Variants in CACNA2D2 observed in about 807,000 individuals in gnomAD.
CACNA2D2 encodes the protein voltage-dependent calcium channel subunit alpha-2/delta-2.
In CACNA2D2, 48 loss-of-function variants were observed where a neutral mutation model predicts 166.4. That is an observed-to-expected ratio of 0.29 (90% CI 0.23 to 0.37). The LOEUF (loss-of-function observed/expected upper bound fraction) is 0.37. CACNA2D2 is among the 10% of genes least tolerant of loss of function. CACNA2D2 has a pLI of 1.00. For missense variants in CACNA2D2, 1,122 were observed against 1,433.0 expected (o/e 0.78, Z 3.50); for synonymous variants, 561 against 573.7 (o/e 0.98, Z 0.32).
intron 2 of CACNA2D2, among the ~76,000 whole-genome samples, chr3:50,459,214 G>A (rs1400449044): frequency 6.6e-6 from 1 of 152,302 alleles, no homozygotes; most frequent in Middle Eastern, 3.4e-3. Context: ...GGGAACCCAG[G>A]TATACACATG....
At chr3:50,458,661 C>G (rs560093586) in intron 2 of CACNA2D2, among the ~76,000 whole-genome samples, 1 of 152,200 alleles carries the variant, frequency 6.6e-6, no homozygotes, top group Non-Finnish European at 1.5e-5. Flanking sequence ...CCTGGCACGA[C>G]AGTTAAGGAC....
chr3:50,479,617 G>A (rs1041578456), intron 1 of CACNA2D2, among the ~76,000 whole-genome samples: 23 of 152,314 alleles, frequency 1.5e-4, no homozygotes, highest in African/African-American at 4.6e-4. Context: ...CCTTGTGGAC[G>A]AGAAGCCACC....
chr3:50,383,146 G>GT lies in CACNA2D2; in HGVS notation c.652+1049dup, dbSNP rs1705418018. On this transcript the variant is annotated intron_variant, in intron 6 of 37. Coordinates refer to ENST00000424201, the MANE Select transcript of CACNA2D2 (RefSeq NM_006030.4). ...GACTGGAGAGGGCGGTGTGGCTCCT[G>GT]TTTTAATTAGTGTGCCTGCCTGTGA... is the stretch of plus-strand genomic sequence containing the variant. Among the ~76,000 whole-genome samples the GT allele has an allele frequency of 2.0e-5, 3 of 152,338 alleles. No individual in the cohort carries two copies. The South Asian group carries it at 6.2e-4, about 32-fold the overall frequency.
chr3:50,388,411 C>T (rs1705718612), intron 4 of CACNA2D2, among the ~76,000 whole-genome samples: 1 of 152,264 alleles, frequency 6.6e-6, no homozygotes, highest in South Asian at 2.1e-4. Flanking sequence ...AGGGCCACGA[C>T]TCAGGACAGA....
At chr3:50,425,402 C>T (rs1168894698) in intron 3 of CACNA2D2, among the ~76,000 whole-genome samples, 1 of 152,182 alleles carries the variant, frequency 6.6e-6, no homozygotes, top group Non-Finnish European at 1.5e-5. Flanking sequence ...CTACCTCCTC[C>T]AGGCTGTCTT....
chr3:50,484,472 T>C (rs1016687218), intron 1 of CACNA2D2, among the ~76,000 whole-genome samples: 20 of 152,232 alleles, frequency 1.3e-4, no homozygotes, highest in Non-Finnish European at 2.9e-4. Flanking sequence ...CCCAGTAGCT[T>C]CCCTGACCTC....
At chr3:50,413,703 C>T (rs966617964) in intron 3 of CACNA2D2, among the ~76,000 whole-genome samples, 2 of 152,018 alleles carry the variant, frequency 1.3e-5, no homozygotes, top group South Asian at 2.1e-4. Flanking sequence ...ATAAATTAGC[C>T]GGGTGTGGTG....
chr3:50,444,292 C>T (rs555745830), intron 2 of CACNA2D2, among the ~76,000 whole-genome samples: 3 of 152,290 alleles, frequency 2.0e-5, no homozygotes, highest in East Asian at 1.9e-4. Flanking sequence ...GATACTGAGG[C>T]GCCGGGAGGG....
chr3:50,498,808 C>G (rs922615663), intron 1 of CACNA2D2, among the ~76,000 whole-genome samples: 3 of 152,248 alleles, frequency 2.0e-5, no homozygotes, highest in South Asian at 2.1e-4. Context: ...TTCAAGCCCC[C>G]CTCCACTTCC....
rs117760698 is a variant in CACNA2D2 at position 50,378,856 on chromosome 3, C to T, written c.1339+59G>A. On this transcript the variant is annotated intron_variant, in intron 13 of 37. Coordinates refer to ENST00000424201, the MANE Select transcript of CACNA2D2 (RefSeq NM_006030.4). ...ACATATGGATGGCCAGTTGAACATA[C>T]GCAATCGACAAAAAGAAATGGCAGG... 1,808 of 1,596,114 alleles carry T rather than the reference C, an allele frequency of 1.1e-3. 21 individuals carry two copies. The East Asian group carries it at 0.017, about 15-fold the overall frequency.
chr3:50,434,570 C>G lies in CACNA2D2; in HGVS notation c.289-141G>C, dbSNP rs1035330944. 7.4e-6 allele frequency: 5 copies of G among 672,956 alleles called. No individual in the cohort carries two copies. In the African/African-American group the frequency reaches 9.0e-5, roughly 12 times the overall value. 41.7% of individuals were successfully genotyped at this position (672,956 alleles called of 1,614,324 possible). ...CCTGTCTTTGGCCTCTGAGAGAGGG[C>G]ATGGAAGGCCAGCGCCCCCACAGAC... is the stretch of plus-strand genomic sequence containing the variant. On this transcript the variant is annotated intron_variant, in intron 2 of 37. Coordinates refer to ENST00000424201, the MANE Select transcript of CACNA2D2 (RefSeq NM_006030.4).
rs556358560 is a variant in CACNA2D2, at chr3:50,408,103, G to A, written c.406-13935C>T. Among the ~76,000 whole-genome samples, 6 of 152,240 alleles carry A rather than the reference G, an allele frequency of 3.9e-5. No homozygotes were observed. In the South Asian group the frequency reaches 6.2e-4, roughly 16 times the overall value. ...GCCCAATCATTATTCCCATTCCCCC[G>A]ACGAGGTCACCAAGGCTCAGAGAGG... On this transcript the variant is annotated intron_variant, in intron 3 of 37. Transcript: ENST00000424201.
chr3:50,406,338 A>G (rs542611338), intron 3 of CACNA2D2, among the ~76,000 whole-genome samples: 84 of 151,710 alleles, frequency 5.5e-4, no homozygotes, highest in Non-Finnish European at 1.0e-4. Flanking sequence ...AAAAAGCACC[A>G]AGCAAGCCCC....
intron 2 of CACNA2D2, among the ~76,000 whole-genome samples, chr3:50,461,463 C>T (rs981993426): frequency 1.4e-4 from 21 of 152,142 alleles, no homozygotes; most frequent in Non-Finnish European, 2.9e-5. Context: ...CTCAGCTGGG[C>T]GTGGTGGCTC....
chr3:50,371,982 G>A (rs750619484), intron 22 of CACNA2D2, among the ~76,000 whole-genome samples: 61 of 150,790 alleles, frequency 4.0e-4, no homozygotes, highest in Middle Eastern at 6.8e-3. Context: ...CCCCTTTGCT[G>A]GACTAGGCTG....
intron 2 of CACNA2D2, among the ~76,000 whole-genome samples, chr3:50,441,759 G>T (rs1384726899): frequency 2.6e-5 from 4 of 152,260 alleles, no homozygotes; most frequent in Non-Finnish European, 4.4e-5. Context: ...CAGTGTTAAG[G>T]CCTGTATCTC....
At chr3:50,454,647 A>G (rs117839341) in intron 2 of CACNA2D2, among the ~76,000 whole-genome samples, 1 of 152,358 alleles carries the variant, frequency 6.6e-6, no homozygotes, top group East Asian at 1.9e-4. Flanking sequence ...TGGAAAAAAT[A>G]AGGTATTTTA....
chr3:50,496,408 A>G (rs573156680), intron 1 of CACNA2D2, among the ~76,000 whole-genome samples: 5 of 152,264 alleles, frequency 3.3e-5, no homozygotes, highest in Non-Finnish European at 7.3e-5. Flanking sequence ...GCACACATAC[A>G]TGAACACACA....
chr3:50,399,066 G>A (rs1192238549), intron 3 of CACNA2D2, among the ~76,000 whole-genome samples: 2 of 152,200 alleles, frequency 1.3e-5, no homozygotes, highest in African/African-American at 2.4e-5. Flanking sequence ...ACCTGGGATA[G>A]GAAGGCCCCC....
Sources: allele counts gnomAD v4.1 joint callset (sites outside exome capture counted in the v4.1 genomes callset), GRCh38; gene constraint gnomAD v4.1.1; transcripts MANE v1.5; gene names NCBI Gene and HGNC (gene_info 2026-07-23, HGNC 2026-07-21).